SHANK2: variants seen among roughly 807,000 people sequenced by gnomAD.
SHANK2 encodes SH3 and multiple ankyrin repeat domains protein 2.
Under a neutral mutation model 133.7 loss-of-function variants are expected in SHANK2, and 43 were observed. The observed-to-expected ratio is 0.32, with a 90% confidence interval of 0.25 to 0.41. The LOEUF is 0.41. Among genes scored for constraint, SHANK2 ranks in the 10% least tolerant of loss-of-function variants. The probability of loss-of-function intolerance (pLI) is 1.00; values close to 1 mark genes in which losing one functional copy is unlikely to be tolerated. For synonymous variants in SHANK2, 1,017 were observed against 952.8 expected (o/e 1.07, Z -1.24); for missense variants, 1,994 against 2,235.8 (o/e 0.89, Z 2.18).
chr11:70,799,970 C>G (rs1479249039), intron 13 of SHANK2, among the ~76,000 whole-genome samples: 1 of 152,160 alleles, frequency 6.6e-6, no homozygotes, highest in Non-Finnish European at 1.5e-5. Context: ...ATAACTATTT[C>G]TGTCATAAAG....
intron 17 of SHANK2, among the ~76,000 whole-genome samples, chr11:70,524,943 C>T (rs772998301): frequency 3.4e-4 from 52 of 152,226 alleles, no homozygotes; most frequent in South Asian, 4.1e-4. Flanking sequence ...GGAGGCAACA[C>T]AGGCCACATT....
intron 14 of SHANK2, among the ~76,000 whole-genome samples, chr11:70,762,957 C>T (rs1251443942): frequency 6.6e-6 from 1 of 152,216 alleles, no homozygotes. Flanking sequence ...TGGGAGCACG[C>T]TCACCTGCAC....
chr11:71,055,881 T>G (rs905259783), intron 10 of SHANK2, among the ~76,000 whole-genome samples: 1 of 150,916 alleles, frequency 6.6e-6, no homozygotes. Context: ...ACAATGGGGA[T>G]GGTTTTGCAC....
At chr11:71,066,813 T>A in intron 9 of SHANK2, among the ~76,000 whole-genome samples, 1 of 152,218 alleles carries the variant, frequency 6.6e-6, no homozygotes, top group Middle Eastern at 3.4e-3. Flanking sequence ...TGGAACCTGG[T>A]CCCTCAGACC....
At chr11:70,719,687 T>G (rs1555028511) in intron 14 of SHANK2, among the ~76,000 whole-genome samples, 1 of 151,710 alleles carries the variant, frequency 6.6e-6, no homozygotes, top group Non-Finnish European at 1.5e-5. Flanking sequence ...GGGATTTCAG[T>G]GGGAGGCAGA....
At chr11:71,240,709 C>G (rs781789466) in intron 1 of SHANK2, 1 of 152,082 alleles carries the variant, frequency 6.6e-6, no homozygotes, top group Non-Finnish European at 1.5e-5. Flanking sequence ...GTGGGAGGAT[C>G]GCTTGAGCTC....
At chr11:70,558,345 G>A (rs1194367978) in intron 17 of SHANK2, among the ~76,000 whole-genome samples, 2 of 152,196 alleles carry the variant, frequency 1.3e-5, no homozygotes, top group Admixed American at 6.5e-5. Flanking sequence ...GGGAGCAGCC[G>A]GCTTCCCCCT....
chr11:70,720,472 T>A (rs904265078), intron 14 of SHANK2, among the ~76,000 whole-genome samples: 8 of 151,998 alleles, frequency 5.3e-5, no homozygotes, highest in African/African-American at 1.7e-4. Context: ...AAAGTGGGGA[T>A]GGAGAAAGTG....
chr11:70,888,442 G>A (rs2135612276), intron 11 of SHANK2, among the ~76,000 whole-genome samples: 1 of 143,226 alleles, frequency 7.0e-6, no homozygotes, highest in South Asian at 2.3e-4. Flanking sequence ...CACACTCAAT[G>A]CAGCAACTGA....
At chr11:71,105,734 C>CAG (rs139165143) in intron 6 of SHANK2, among the ~76,000 whole-genome samples, 4,979 of 151,982 alleles carry the variant, frequency 0.033, 285 homozygotes, top group African/African-American at 0.11. Context: ...GCAAAACTGA[C>CAG]AACGTACAAC....
chr11:70,800,042 G>GA (rs1555050151), intron 13 of SHANK2, among the ~76,000 whole-genome samples: 1 of 150,660 alleles, frequency 6.6e-6, no homozygotes, highest in East Asian at 1.9e-4. Flanking sequence ...TTTGTTTTTT[G>GA]TTTTTTTTAG....
chr11:70,894,503 A>AG (rs772268319), intron 11 of SHANK2, among the ~76,000 whole-genome samples: 13 of 152,006 alleles, frequency 8.6e-5, no homozygotes, highest in Middle Eastern at 3.4e-3. Context: ...GTTTTTGAGT[A>AG]GGGGGGTTTA....
chr11:70,527,955 T>C (rs1266841542), intron 17 of SHANK2, among the ~76,000 whole-genome samples: 1 of 151,818 alleles, frequency 6.6e-6, no homozygotes, highest in Non-Finnish European at 1.5e-5. Context: ...AATGGGATGG[T>C]GGTGAGAGGG....
chr11:70,731,032 C>T (rs1216251250), intron 14 of SHANK2, among the ~76,000 whole-genome samples: 1 of 152,032 alleles, frequency 6.6e-6, no homozygotes, highest in Non-Finnish European at 1.5e-5. Flanking sequence ...CCTGTGTGCC[C>T]GCAACACACA....
chr11:70,616,757 C>T (rs1005676617), intron 17 of SHANK2, among the ~76,000 whole-genome samples: 8 of 152,144 alleles, frequency 5.3e-5, no homozygotes, highest in African/African-American at 1.9e-4. Flanking sequence ...CTGGGGTGGC[C>T]CAGAGCCTCT....
At chr11:70,915,924 A>G (rs1477304573) in intron 10 of SHANK2, among the ~76,000 whole-genome samples, 2 of 152,050 alleles carry the variant, frequency 1.3e-5, no homozygotes, top group Non-Finnish European at 2.9e-5. Context: ...ACCTCCATTT[A>G]TTTCAGAGCG....
intron 2 of SHANK2, among the ~76,000 whole-genome samples, chr11:71,207,066 A>G (rs1954140772): frequency 6.6e-6 from 1 of 151,920 alleles, no homozygotes; most frequent in Admixed American, 6.6e-5. Flanking sequence ...AGCCTGGGTG[A>G]CAGAGTGAGG....
intron 8 of SHANK2, among the ~76,000 whole-genome samples, chr11:71,088,743 ACCCCACCAGGGGCCGC>A (rs1951453966): frequency 6.7e-6 from 1 of 148,832 alleles, no homozygotes; most frequent in Non-Finnish European, 1.5e-5. Flanking sequence ...TGACTGCACC[ACCCCACCAGGGGCCGC>A]CCCTCATCCT....
At chr11:70,492,163 T>G (rs927028735) in intron 22 of SHANK2, among the ~76,000 whole-genome samples, 172 bp downstream of exon 22, 1 of 152,210 alleles carries the variant, frequency 6.6e-6, no homozygotes, top group African/African-American at 2.4e-5. Context: ...CCCACCACTG[T>G]GAGTCTGCAC....
Sources: gnomAD v4.1 joint callset for allele counts (sites outside exome capture counted in the v4.1 genomes callset) on GRCh38, gnomAD v4.1.1 for gene constraint, MANE v1.5 for transcripts, NCBI Gene and HGNC (gene_info 2026-07-23, HGNC 2026-07-21) for gene names.